Variants in PALM2AKAP2 observed in about 807,000 individuals in gnomAD.
The protein encoded by PALM2AKAP2 is PALM2-AKAP2 fusion protein.
PALM2AKAP2 carries 37 observed loss-of-function variants against 71.5 expected under a neutral mutation model. The ratio of observed to expected loss-of-function variants is 0.52; its 90% CI spans 0.40 to 0.68. The LOEUF (loss-of-function observed/expected upper bound fraction) is 0.68. Among genes scored for constraint, PALM2AKAP2 ranks in the 30% least tolerant of loss-of-function variants. PALM2AKAP2 has a pLI of 0.00. For synonymous variants in PALM2AKAP2, 468 were observed against 478.8 expected (o/e 0.98, Z 0.29); for missense variants, 1,224 against 1,191.8 (o/e 1.03, Z -0.40).
chr9:109,682,742 A>G (rs1460361109), intron 1 of PALM2AKAP2, among the ~76,000 whole-genome samples: 2 of 152,182 alleles, frequency 1.3e-5, no homozygotes, highest in Non-Finnish European at 2.9e-5. Flanking sequence ...TTTTGCACCA[A>G]GTGGAGAGAT....
At chr9:109,878,523 G>A (rs1829767783) in intron 2 of PALM2AKAP2, among the ~76,000 whole-genome samples, 1 of 152,092 alleles carries the variant, frequency 6.6e-6, no homozygotes, top group African/African-American at 2.4e-5. Context: ...TAATGAAAAG[G>A]CAAGAATAAC....
intron 1 of PALM2AKAP2, among the ~76,000 whole-genome samples, chr9:109,747,004 G>T (rs1230904796): frequency 6.6e-6 from 1 of 152,200 alleles, no homozygotes; most frequent in Non-Finnish European, 1.5e-5. Context: ...TTGGATTGGA[G>T]TATGGGTAAG....
At chr9:110,049,081 G>C (rs930109998) in intron 1 of PALM2AKAP2, among the ~76,000 whole-genome samples, 1 of 152,208 alleles carries the variant, frequency 6.6e-6, no homozygotes, top group Non-Finnish European at 1.5e-5. Flanking sequence ...AGGTTTGTGG[G>C]AGGGCCAAGC....
At chr9:109,920,091 A>G (rs1830792044) in intron 3 of PALM2AKAP2, among the ~76,000 whole-genome samples, 1 of 152,216 alleles carries the variant, frequency 6.6e-6, no homozygotes, top group Admixed American at 6.5e-5. Context: ...GCAGCTGCCC[A>G]GATAAGTTAT....
intron 1 of PALM2AKAP2, among the ~76,000 whole-genome samples, chr9:109,863,287 CA>C (rs1430343549): frequency 6.6e-6 from 1 of 152,118 alleles, no homozygotes; most frequent in Non-Finnish European, 1.5e-5. Flanking sequence ...AGTGGGGAAG[CA>C]AAAGATGTGG....
At chr9:110,112,034 T>A (rs1835265437) in intron 1 of PALM2AKAP2, among the ~76,000 whole-genome samples, 1 of 152,038 alleles carries the variant, frequency 6.6e-6, no homozygotes, top group South Asian at 2.1e-4. Flanking sequence ...CTCGAACCTG[T>A]ATATAAGACA....
intron 2 of PALM2AKAP2, among the ~76,000 whole-genome samples, chr9:110,146,887 A>T (rs1367488421): frequency 6.6e-6 from 1 of 152,186 alleles, no homozygotes; most frequent in Non-Finnish European, 1.5e-5. Context: ...AGGTAAACTT[A>T]AAAGGGTTCC....
Position 109,765,051 on chromosome 9 carries a change from G to C in PALM2AKAP2, c.6-15437G>C, listed in dbSNP as rs78096731. 7.9e-4 allele frequency among the ~76,000 whole-genome samples: 120 copies of C among 152,326 alleles called. 2 individuals carry two copies. The highest frequency in any genetic ancestry group is 2.7e-3 in the African/African-American group (114 of 41,582). On this transcript the variant is annotated intron_variant, in intron 1 of 6. Transcript: ENST00000374531. ...TGCTGAGCAAACTCATTATAGCTCTGATTCTTTTTAATGTCTAAAGCCTTA... is the reference window on the plus strand; with the variant it reads ...TGCTGAGCAAACTCATTATAGCTCTCATTCTTTTTAATGTCTAAAGCCTTA...
exon 4 of PALM2AKAP2, chr9:110,171,229 T>G (rs1029418799): frequency 2.0e-5 from 3 of 152,212 alleles, no homozygotes; most frequent in Non-Finnish European, 2.9e-5. Context: ...GATGAAGTGG[T>G]CTTTGACCAC....
chr9:109,872,273 G>T (rs970701849), intron 2 of PALM2AKAP2, among the ~76,000 whole-genome samples: 1 of 152,068 alleles, frequency 6.6e-6, no homozygotes, highest in Non-Finnish European at 1.5e-5. Context: ...GACTTGTGAT[G>T]ATATGGATTT....
At chr9:109,710,539 T>C (rs139994019) in intron 1 of PALM2AKAP2, among the ~76,000 whole-genome samples, 1 of 152,310 alleles carries the variant, frequency 6.6e-6, no homozygotes, top group East Asian at 1.9e-4. Context: ...ATGTTGAGCA[T>C]CAGTTTTTTT....
chr9:109,670,229 A>G (rs185731077), intron 1 of PALM2AKAP2, among the ~76,000 whole-genome samples: 8 of 152,144 alleles, frequency 5.3e-5, no homozygotes, highest in Non-Finnish European at 5.9e-5. Flanking sequence ...TATTATGTCT[A>G]GTACCCATTA....
Position 110,079,894 on chromosome 9 carries a change from A to T in PALM2AKAP2, c.156+31039A>T, listed in dbSNP as rs75421030. 6.7e-3 allele frequency among the ~76,000 whole-genome samples: 1,022 copies of T among 151,946 alleles called. 71 individuals carry two copies. In the East Asian group the frequency reaches 0.14, roughly 21 times the overall value. ...AGACCAGCCTGGCCAAGCTGGTGAAACCTCGTCTCTACTGAAAATACAAAA... is the reference window on the plus strand; with the variant it reads ...AGACCAGCCTGGCCAAGCTGGTGAATCCTCGTCTCTACTGAAAATACAAAA... On this transcript the variant is annotated intron_variant, in intron 1 of 3. Transcript: ENST00000374525.
upstream of PALM2AKAP2, among the ~76,000 whole-genome samples, chr9:110,047,267 C>A (rs760376425): frequency 6.6e-6 from 1 of 152,160 alleles, no homozygotes; most frequent in Admixed American, 6.5e-5. Context: ...ATTCAGGAAC[C>A]CTGAGAACAG....
At chr9:110,138,001 A>G (rs1204300603) in exon 2 of PALM2AKAP2, 1 of 1,613,982 alleles carries the variant, frequency 6.2e-7, no homozygotes, top group South Asian at 1.1e-5. Context: ...AGGTGGATAA[A>G]GCTGTGTCCA....
chr9:109,842,379 G>A (rs1171632606), intron 1 of PALM2AKAP2, among the ~76,000 whole-genome samples: 4 of 152,310 alleles, frequency 2.6e-5, no homozygotes, highest in Admixed American at 1.3e-4. Flanking sequence ...CTTTGCAAAC[G>A]GGAAGGGGTT....
intron 1 of PALM2AKAP2, among the ~76,000 whole-genome samples, chr9:109,841,906 A>ATAGAGGGGAGGGTGGAAGGG (rs1192343046): frequency 3.7e-5 from 4 of 107,076 alleles, no homozygotes; most frequent in Middle Eastern, 4.8e-3. Flanking sequence ...AGTTGGAAGG[A>ATAGAGGGGAGGGTGGAAGGG]TAGAGGGGAG....
At chr9:110,154,988 T>G (rs995922043) in intron 2 of PALM2AKAP2, among the ~76,000 whole-genome samples, 1 of 152,228 alleles carries the variant, frequency 6.6e-6, no homozygotes, top group African/African-American at 2.4e-5. Context: ...TATGAAACGA[T>G]GATCTATAGT....
At chr9:110,010,672 A>G (rs915513857) in intron 6 of PALM2AKAP2, among the ~76,000 whole-genome samples, 2 of 148,326 alleles carry the variant, frequency 1.3e-5, no homozygotes, top group Admixed American at 6.7e-5. Context: ...ATACTTAAAT[A>G]TATTTTAAAA....
Sources: allele counts gnomAD v4.1 joint callset (sites outside exome capture counted in the v4.1 genomes callset), GRCh38; gene constraint gnomAD v4.1.1; transcripts MANE v1.5; gene names NCBI Gene and HGNC (gene_info 2026-07-23, HGNC 2026-07-21).